Variants in STK10 observed in about 807,000 individuals in gnomAD.
STK10 encodes the protein serine/threonine kinase 10.
A neutral mutation model predicts 113.8 loss-of-function variants in STK10; 78 were observed. That is an observed-to-expected ratio of 0.69 (90% CI 0.57 to 0.83). The LOEUF is 0.83. STK10 is among the 40% of genes least tolerant of loss of function. The probability of loss-of-function intolerance (pLI) is 0.00; values close to 1 mark genes in which losing one functional copy is unlikely to be tolerated. For synonymous variants in STK10, 465 were observed against 494.7 expected, an observed-to-expected ratio of 0.94 and a Z score of 0.80; for missense variants, 1,109 against 1,280.1, an observed-to-expected ratio of 0.87 and a Z score of 2.04.
At chr5:172,106,569 C>A (rs1414899714) in intron 6 of STK10, 51 bp downstream of exon 6, 18 of 1,558,356 alleles carry the variant, frequency 1.2e-5, no homozygotes, top group Non-Finnish European at 1.6e-5. Flanking sequence ...ATATTCCAGC[C>A]CTAATCCCGG....
chr5:172,116,069 TTTTG>T (rs1156415942), intron 4 of STK10, among the ~76,000 whole-genome samples: 16 of 151,744 alleles, frequency 1.1e-4, no homozygotes, highest in African/African-American at 2.2e-4. Flanking sequence ...TTGTTTGTTT[TTTTG>T]TTTTTGTTTT....
chr5:172,174,228 G>A (rs1475653201), intron 1 of STK10, among the ~76,000 whole-genome samples: 1 of 152,160 alleles, frequency 6.6e-6, no homozygotes, highest in Non-Finnish European at 1.5e-5. Context: ...CTGGAGTGCA[G>A]TGGCGCAATC....
chr5:172,076,719 C>T (rs976552459), intron 12 of STK10, among the ~76,000 whole-genome samples: 3 of 152,194 alleles, frequency 2.0e-5, no homozygotes, highest in Non-Finnish European at 4.4e-5. Context: ...GCCACTTCTG[C>T]TTCCATATCA....
intron 15 of STK10, 170 bp downstream of exon 15, chr5:172,057,179 G>A: frequency 1.2e-6 from 1 of 850,024 alleles, no homozygotes; most frequent in Non-Finnish European, 1.8e-6. Flanking sequence ...GCTGAAGCAG[G>A]ACGCCCCTGG....
intron 17 of STK10, 91 bp from the exon 18 acceptor site, chr5:172,053,133 C>T (rs2113688332): frequency 2.2e-6 from 2 of 919,712 alleles, no homozygotes; most frequent in South Asian, 2.8e-5. Context: ...TACGAGGGCA[C>T]CAGCATCGTT....
At chr5:172,176,291 GC>G (rs1770756806) in intron 1 of STK10, among the ~76,000 whole-genome samples, 1 of 152,170 alleles carries the variant, frequency 6.6e-6, no homozygotes, top group Non-Finnish European at 1.5e-5. Context: ...GCAGACACAA[GC>G]TTGCCTTCCT....
rs1039505434 is a variant in STK10 at position 172,187,206 on chromosome 5, G to A, written c.156+681C>T. On this transcript the variant is annotated intron_variant, in intron 1 of 18. Transcript: ENST00000176763. This position sits in a 1 kb window ranked among gnomAD's most constrained non-coding sequence, Gnocchi z 4.6. ...AAGCTCTCTGCCGCGTCTTCCTCTA[G>A]GGGAGAGGTGACTGCAGGCTGGGAG... 3.9e-5 allele frequency among the ~76,000 whole-genome samples: 6 copies of A among 152,114 alleles called. No individual in the cohort carries two copies. The highest frequency in any genetic ancestry group is 1.4e-4 in the African/African-American group (6 of 41,430).
chr5:172,054,916 C>T (rs1767712145), intron 16 of STK10, among the ~76,000 whole-genome samples: 1 of 152,188 alleles, frequency 6.6e-6, no homozygotes, highest in African/African-American at 2.4e-5. Flanking sequence ...GGACATGACA[C>T]TGCAATGTGA....
intron 1 of STK10, among the ~76,000 whole-genome samples, chr5:172,179,018 G>C (rs562639771): frequency 6.6e-6 from 1 of 152,188 alleles, no homozygotes; most frequent in Non-Finnish European, 1.5e-5. Flanking sequence ...GTAGTGCCAG[G>C]TGAGGAAGCG....
intron 7 of STK10, among the ~76,000 whole-genome samples, chr5:172,105,253 G>A (rs773589682): frequency 6.6e-6 from 1 of 150,392 alleles, no homozygotes; most frequent in Non-Finnish European, 1.5e-5. Flanking sequence ...TGGGCCACTG[G>A]CCTTGCTCCT....
At chr5:172,126,830 ACCT>A (rs1395592013) in intron 3 of STK10, among the ~76,000 whole-genome samples, 1 of 152,004 alleles carries the variant, frequency 6.6e-6, no homozygotes, top group Non-Finnish European at 1.5e-5. Flanking sequence ...TCTCGGTTTT[ACCT>A]CCTGAGAGTG....
At chr5:172,063,038 TCAGGAGTTCGAGAC>T (rs1767969605) in intron 13 of STK10, among the ~76,000 whole-genome samples, 1 of 152,080 alleles carries the variant, frequency 6.6e-6, no homozygotes, top group African/African-American at 2.4e-5. Context: ...TCACCTGAGG[TCAGGAGTTCGAGAC>T]CAGCCTGGCC....
chr5:172,052,859 C>G (rs1375583786), intron 18 of STK10, 70 bp downstream of exon 18: 1 of 1,480,170 alleles, frequency 6.8e-7, no homozygotes, highest in East Asian at 2.3e-5. Flanking sequence ...CCTAACATGT[C>G]CTGGCCAGAG....
At chr5:172,073,746 A>G (rs996854163) in intron 12 of STK10, among the ~76,000 whole-genome samples, 2 of 148,718 alleles carry the variant, frequency 1.3e-5, no homozygotes, top group African/African-American at 5.0e-5. Context: ...CAGAAGTTCC[A>G]GACCAGCTTG....
At chr5:172,174,318 C>T (rs570299882) in intron 1 of STK10, among the ~76,000 whole-genome samples, 1 of 152,172 alleles carries the variant, frequency 6.6e-6, no homozygotes, top group African/African-American at 2.4e-5. Flanking sequence ...ATTACAGGCG[C>T]GCACCATCAC....
chr5:172,147,400 T>C (rs867141717), intron 2 of STK10, among the ~76,000 whole-genome samples: 9 of 151,678 alleles, frequency 5.9e-5, no homozygotes, highest in East Asian at 5.8e-4. Flanking sequence ...TTCTTTCTTT[T>C]TTTTTTTTTG....
intron 1 of STK10, among the ~76,000 whole-genome samples, chr5:172,175,512 G>A (rs1304388420): frequency 6.6e-6 from 1 of 152,098 alleles, no homozygotes; most frequent in Non-Finnish European, 1.5e-5. Context: ...AGGGTGCCAG[G>A]AGGGGCCCCA....
chr5:172,168,221 C>T lies in STK10; in HGVS notation c.157-11433G>A, dbSNP rs1471040490. ...CTTGGTCTGGGTGTCACACAATGTA[C>T]AGCTGTGCTGTCCCTGCCTGAACAC... is the stretch of plus-strand genomic sequence containing the variant. On this transcript the variant is annotated intron_variant, in intron 1 of 18. Coordinates refer to ENST00000176763, the MANE Select transcript of STK10 (RefSeq NM_005990.4). Among the ~76,000 whole-genome samples, 3 of 152,248 alleles carry T rather than the reference C, an allele frequency of 2.0e-5. No homozygotes were observed. The East Asian group carries it at 5.8e-4, about 29-fold the overall frequency.
chr5:172,046,116 T>G (rs1317694464), intron 18 of STK10, among the ~76,000 whole-genome samples: 4 of 151,598 alleles, frequency 2.6e-5, no homozygotes, highest in Admixed American at 6.6e-5. Flanking sequence ...TCCCAGCACT[T>G]TGGGAGGCCA....
Sources: allele counts gnomAD v4.1 joint callset (sites outside exome capture counted in the v4.1 genomes callset), GRCh38; gene constraint gnomAD v4.1.1; non-coding constraint Gnocchi (gnomAD v3.1); transcripts MANE v1.5; gene names NCBI Gene and HGNC (gene_info 2026-07-23, HGNC 2026-07-21).